Variants in HIVEP3 observed in about 807,000 individuals in gnomAD.
The protein encoded by HIVEP3 is transcription factor HIVEP3.
In HIVEP3, 49 loss-of-function variants were observed where a neutral mutation model predicts 152.8. The observed-to-expected ratio is 0.32, with a 90% CI of 0.26 to 0.41. The LOEUF (loss-of-function observed/expected upper bound fraction) is 0.41, where lower values mean the gene tolerates loss of function less well. Among genes scored for constraint, HIVEP3 ranks in the 10% least tolerant of loss-of-function variants. HIVEP3 has a pLI of 1.00. For missense variants in HIVEP3, 2,790 were observed against 3,103.3 expected (o/e 0.90, Z 2.40); for synonymous variants, 1,269 against 1,289.0 (o/e 0.98, Z 0.33).
chr1:41,812,828 G>A (rs935777303), intron 1 of HIVEP3, among the ~76,000 whole-genome samples: 17 of 142,026 alleles, frequency 1.2e-4, no homozygotes, highest in African/African-American at 3.9e-4. Flanking sequence ...GGACAGATAA[G>A]TTAGAACTGC....
chr1:41,841,026 T>C (rs591655), intron 1 of HIVEP3, among the ~76,000 whole-genome samples: 74,396 of 152,124 alleles, frequency 0.49, 20,571 homozygotes, highest in African/African-American at 0.76. Context: ...GGTAATAAAA[T>C]GCAGGAAGGA....
intron 1 of HIVEP3, among the ~76,000 whole-genome samples, chr1:42,029,055 C>T (rs1313777461): frequency 6.6e-6 from 1 of 152,182 alleles, no homozygotes; most frequent in African/African-American, 2.4e-5. Context: ...AAACACTATG[C>T]AGACTGAAGA....
intron 3 of HIVEP3, among the ~76,000 whole-genome samples, chr1:41,603,494 G>A (rs957310209): frequency 6.6e-6 from 1 of 151,992 alleles, no homozygotes; most frequent in African/African-American, 2.4e-5. Flanking sequence ...TCAGCAGCTG[G>A]GATTACAGGC....
chr1:41,909,851 C>T (rs1644769595), intron 1 of HIVEP3, among the ~76,000 whole-genome samples: 1 of 151,940 alleles, frequency 6.6e-6, no homozygotes, highest in African/African-American at 2.4e-5. Flanking sequence ...AGAAACACAG[C>T]TTTAAGTCAT....
chr1:41,764,843 G>A (rs1208599775), intron 1 of HIVEP3, among the ~76,000 whole-genome samples: 2 of 152,260 alleles, frequency 1.3e-5, no homozygotes, highest in East Asian at 1.9e-4. Context: ...CCAGAGGAGG[G>A]TTCATGGCAG....
At chr1:41,669,734 C>T (rs762986480) in intron 2 of HIVEP3, among the ~76,000 whole-genome samples, 7 of 152,188 alleles carry the variant, frequency 4.6e-5, no homozygotes, top group Non-Finnish European at 8.8e-5. Context: ...CCTTCAGACT[C>T]AGACTAGAAA....
At chr1:41,951,324 T>A (rs1194790996) in intron 1 of HIVEP3, among the ~76,000 whole-genome samples, 1 of 152,234 alleles carries the variant, frequency 6.6e-6, no homozygotes, top group Non-Finnish European at 1.5e-5. Flanking sequence ...GCACACTGTA[T>A]GATCCCATTT....
chr1:41,956,840 G>A (rs181579662), intron 1 of HIVEP3, among the ~76,000 whole-genome samples: 1 of 152,272 alleles, frequency 6.6e-6, no homozygotes, highest in East Asian at 1.9e-4. Context: ...GGAGTTGGAA[G>A]GTGCTCTCAC....
intron 1 of HIVEP3, among the ~76,000 whole-genome samples, chr1:41,949,051 A>T (rs1357949609): frequency 2.0e-5 from 3 of 152,168 alleles, no homozygotes; most frequent in African/African-American, 7.2e-5. Flanking sequence ...AGACACAACC[A>T]ACTCCTAATG....
At chr1:41,960,486 TAA>T (rs1382686861) in intron 1 of HIVEP3, among the ~76,000 whole-genome samples, 1 of 152,134 alleles carries the variant, frequency 6.6e-6, no homozygotes, top group Non-Finnish European at 1.5e-5. Context: ...TACAGGGGAA[TAA>T]GAGTTCAACT....
At chr1:42,035,785 C>A in intron 1 of HIVEP3, 1 of 151,554 alleles carries the variant, frequency 6.6e-6, no homozygotes, top group South Asian at 1.9e-4. Context: ...CGCGATGGCT[C>A]GGCAGCCGCG....
intron 1 of HIVEP3, among the ~76,000 whole-genome samples, chr1:41,779,403 G>A (rs1648903226): frequency 6.6e-6 from 1 of 152,246 alleles, no homozygotes. Flanking sequence ...GCTATTGTGA[G>A]ATTAAATGAG....
At chr1:41,541,650 C>T (rs1432541347) in intron 5 of HIVEP3, among the ~76,000 whole-genome samples, 1 of 152,198 alleles carries the variant, frequency 6.6e-6, no homozygotes, top group African/African-American at 2.4e-5. Context: ...CCAGGTCCAC[C>T]TTTTCTATGG....
chr1:41,824,784 T>TATATATATAGAGAGAGAGAG (rs1553266584), intron 1 of HIVEP3, among the ~76,000 whole-genome samples: 1 of 11,392 alleles, frequency 8.8e-5, no homozygotes, highest in Non-Finnish European at 1.6e-4. Context: ...TATATATATA[T>TATATATATAGAGAGAGAGAG]AGAGAGAGAG....
At chr1:41,886,108 G>A (rs952873507) in intron 1 of HIVEP3, among the ~76,000 whole-genome samples, 1 of 152,168 alleles carries the variant, frequency 6.6e-6, no homozygotes, top group African/African-American at 2.4e-5. Context: ...TTGATGAAGA[G>A]CACTGTATCT....
At chr1:42,028,649 G>A (rs1275648352) in intron 1 of HIVEP3, among the ~76,000 whole-genome samples, 1 of 152,152 alleles carries the variant, frequency 6.6e-6, no homozygotes, top group Non-Finnish European at 1.5e-5. Context: ...GAGTGTGTCT[G>A]TTTATATGCC....
At chr1:41,635,968 CCA>C (rs1645267574) in intron 2 of HIVEP3, among the ~76,000 whole-genome samples, 1 of 152,122 alleles carries the variant, frequency 6.6e-6, no homozygotes, top group Non-Finnish European at 1.5e-5. Context: ...AGATGGAATT[CCA>C]GATTAGCAGA....
At chr1:41,659,149 C>T (rs1645674143) in intron 2 of HIVEP3, among the ~76,000 whole-genome samples, 1 of 152,218 alleles carries the variant, frequency 6.6e-6, no homozygotes, top group South Asian at 2.1e-4. Flanking sequence ...TGGTCCCTAG[C>T]CCAGCTCCTT....
chr1:41,694,481 G>T (rs917927159), intron 2 of HIVEP3, among the ~76,000 whole-genome samples: 2 of 152,216 alleles, frequency 1.3e-5, no homozygotes, highest in Non-Finnish European at 2.9e-5. Flanking sequence ...GTGAATGAAA[G>T]ACATCCTCCT....
Sources: allele counts gnomAD v4.1 joint callset (sites outside exome capture counted in the v4.1 genomes callset), GRCh38; gene constraint gnomAD v4.1.1; transcripts MANE v1.5; gene names NCBI Gene and HGNC (gene_info 2026-07-23, HGNC 2026-07-21).